PTPRJ: variants seen among roughly 807,000 people sequenced by gnomAD.
PTPRJ encodes protein tyrosine phosphatase receptor type J.
Under a neutral mutation model 141.3 loss-of-function variants are expected in PTPRJ, and 129 were observed. The ratio of observed to expected loss-of-function variants is 0.91; its 90% confidence interval spans 0.79 to 1.06. The LOEUF (loss-of-function observed/expected upper bound fraction) is 1.06. Among genes scored for constraint, PTPRJ ranks in the 50% least tolerant of loss-of-function variants. The pLI is 0.00. For synonymous variants in PTPRJ, 610 were observed against 640.5 expected (o/e 0.95, Z 0.72); for missense variants, 1,601 against 1,679.7 (o/e 0.95, Z 0.82).
chr11:48,040,494 G>T (rs1018817251), intron 1 of PTPRJ, among the ~76,000 whole-genome samples: 4 of 152,002 alleles, frequency 2.6e-5, no homozygotes, highest in South Asian at 4.1e-4. Flanking sequence ...GTGCAGATCT[G>T]GTTGTGCCAT....
chr11:48,118,865 G>T (rs1476077729), intron 3 of PTPRJ, among the ~76,000 whole-genome samples: 1 of 151,664 alleles, frequency 6.6e-6, no homozygotes. Context: ...CTTTAAAATG[G>T]TGACATTAGC....
chr11:48,138,511 C>A (rs1162668777), intron 10 of PTPRJ, among the ~76,000 whole-genome samples: 1 of 152,148 alleles, frequency 6.6e-6, no homozygotes, highest in South Asian at 2.1e-4. Flanking sequence ...CTGTGACATT[C>A]AATTAATGAT....
chr11:48,144,821 G>T lies in PTPRJ; in HGVS notation c.2722G>T (p.Val908Phe), dbSNP rs763699928. 5.0e-6 allele frequency: 8 copies of T among 1,614,186 alleles called. No individual in the cohort carries two copies. Among genetic ancestry groups the T allele is most frequent in the Non-Finnish European group, 6.8e-6 (8 of 1,180,014 alleles). The change falls in exon 13 of 25, where the codon GTT (valine) becomes TTT (phenylalanine). Residue 908 changes from valine (V) to phenylalanine (F), a missense_variant. Coordinates refer to ENST00000418331, the MANE Select transcript of PTPRJ (RefSeq NM_002843.4). Reference protein sequence around the residue: ...LSEVLKYEIDVGNESTTLGYY... With the variant: ...LSEVLKYEIDFGNESTTLGYY... ...TGAAGTTTTGAAATATGAAATTGACGTTGGGAATGAGTCAACCACACTTGG... is the reference window on the plus strand; with the variant it reads ...TGAAGTTTTGAAATATGAAATTGACTTTGGGAATGAGTCAACCACACTTGG...
At chr11:48,148,124 C>A (rs549137831) in intron 15 of PTPRJ, among the ~76,000 whole-genome samples, 1 of 152,248 alleles carries the variant, frequency 6.6e-6, no homozygotes, top group East Asian at 1.9e-4. Flanking sequence ...GGATCACAGG[C>A]GTGAGCCCCT....
intron 1 of PTPRJ, among the ~76,000 whole-genome samples, chr11:48,021,686 G>C (rs1201549566): frequency 6.6e-6 from 1 of 152,182 alleles, no homozygotes. Flanking sequence ...TGCAGCACCT[G>C]AGAAAGAAAT....
In PTPRJ at chr11:48,123,823, A is replaced by C. The variant is rs1566734; in HGVS notation, c.827A>C (p.Gln276Pro). The C allele has an allele frequency of 0.16, 264,396 of 1,613,772 alleles. 23,146 individuals carry two copies. Among genetic ancestry groups the C allele is most frequent in the Middle Eastern group, 0.27 (1,610 of 6,054 alleles). The change falls in exon 5 of 25, where the codon CAA becomes CCA. Residue 276 changes from glutamine (Q) to proline (P), a missense_variant. By Grantham distance (76) the Gln-to-Pro change is moderately conservative. Coordinates refer to ENST00000418331, the MANE Select transcript of PTPRJ (RefSeq NM_002843.4). ...VQYNINPYLL[Q>P]SNKTKGDPLG... ...TACAACATCAACCCGTATCTTCTAC[A>C]ATCAAATAAGACAAAGGGAGACCCC...
At chr11:48,097,841 AT>A (rs930737173) in intron 1 of PTPRJ, among the ~76,000 whole-genome samples, 43 of 151,640 alleles carry the variant, frequency 2.8e-4, no homozygotes, top group African/African-American at 7.3e-4. Context: ...CCCGGCCTGA[AT>A]TTTTTTTTGT....
chr11:48,139,150 C>T (rs1427441335), intron 10 of PTPRJ, among the ~76,000 whole-genome samples: 1 of 152,082 alleles, frequency 6.6e-6, no homozygotes, highest in African/African-American at 2.4e-5. Context: ...AAAGGGGGTC[C>T]TCATGATGAG....
intron 19 of PTPRJ, among the ~76,000 whole-genome samples, chr11:48,154,550 T>C (rs1354708140): frequency 6.6e-6 from 1 of 152,182 alleles, no homozygotes; most frequent in African/African-American, 2.4e-5. Context: ...TGGGTGGGGA[T>C]TAGGGCACAG....
intron 1 of PTPRJ, among the ~76,000 whole-genome samples, chr11:48,038,241 G>A (rs1239649039): frequency 6.6e-6 from 1 of 152,090 alleles, no homozygotes; most frequent in Non-Finnish European, 1.5e-5. Flanking sequence ...AATGCTTGGT[G>A]AACAAGTGTT....
At chr11:47,990,302 G>A (rs894163917) in intron 1 of PTPRJ, among the ~76,000 whole-genome samples, 2 of 152,158 alleles carry the variant, frequency 1.3e-5, no homozygotes, top group Admixed American at 1.3e-4. Flanking sequence ...ACAAAAAAAG[G>A]TGAATATAGA....
intron 1 of PTPRJ, among the ~76,000 whole-genome samples, chr11:48,044,097 G>A (rs1419907363): frequency 4.6e-5 from 7 of 152,220 alleles, no homozygotes; most frequent in Non-Finnish European, 1.0e-4. Flanking sequence ...GAGGGACTGC[G>A]CACATGCGAA....
In PTPRJ at chr11:48,156,031, C is replaced by T. The variant is rs371199186; in HGVS notation, c.3350C>T (p.Pro1117Leu). ...TTTATTGCCACACAAGGACCTTTAC[C>T]GAACACTTTGAAAGATTTTTGGCGT... ...KDFIATQGPL[P>L]NTLKDFWRMV... The change falls in exon 21 of 25, where the codon CCG (proline) becomes CTG (leucine). Residue 1117 changes from proline to leucine, a missense_variant. By Grantham distance (98) the Pro-to-Leu change is moderately conservative. Transcript: ENST00000418331. 1.3e-5 allele frequency: 21 copies of T among 1,606,844 alleles called. No individual in the cohort carries two copies. The highest frequency in any genetic ancestry group is 3.3e-5 in the South Asian group (3 of 90,884).
intron 8 of PTPRJ, among the ~76,000 whole-genome samples, chr11:48,133,573 C>T (rs923701802): frequency 7.2e-5 from 11 of 152,140 alleles, no homozygotes; most frequent in East Asian, 1.9e-4. Context: ...AAAAAGGAAA[C>T]GAATACCATA....
chr11:48,040,029 T>G (rs1413538398), intron 1 of PTPRJ, among the ~76,000 whole-genome samples: 4 of 152,242 alleles, frequency 2.6e-5, no homozygotes, highest in African/African-American at 9.6e-5. Context: ...CCTCAAGTGA[T>G]CTGCCCGCTG....
At chr11:48,154,264 C>A (rs1857551305) in intron 19 of PTPRJ, among the ~76,000 whole-genome samples, 1 of 152,190 alleles carries the variant, frequency 6.6e-6, no homozygotes, top group South Asian at 2.1e-4. Flanking sequence ...CTCTGTCTCA[C>A]AACTATTTAT....
intron 1 of PTPRJ, among the ~76,000 whole-genome samples, chr11:48,089,741 G>T (rs770000911): frequency 6.6e-6 from 1 of 152,168 alleles, no homozygotes; most frequent in Non-Finnish European, 1.5e-5. Context: ...GCTTAGCAAG[G>T]TGCTTGGCAC....
At chr11:48,084,442 C>G (rs765217260) in intron 1 of PTPRJ, among the ~76,000 whole-genome samples, 8 of 152,176 alleles carry the variant, frequency 5.3e-5, no homozygotes, top group Non-Finnish European at 7.3e-5. Context: ...CCTCAGCCTC[C>G]CAAAGTGCTG....
At chr11:48,150,345 A>G (rs575316826) in intron 18 of PTPRJ, among the ~76,000 whole-genome samples, 162 bp downstream of exon 18, 3 of 152,340 alleles carry the variant, frequency 2.0e-5, no homozygotes, top group African/African-American at 7.2e-5. Flanking sequence ...TCAGCAGTGC[A>G]GTTATATTAC....
Sources: allele counts gnomAD v4.1 joint callset (sites outside exome capture counted in the v4.1 genomes callset), GRCh38; gene constraint gnomAD v4.1.1; transcripts MANE v1.5; gene names NCBI Gene and HGNC (gene_info 2026-07-23, HGNC 2026-07-21).